The following KIAA1614 variants were observed in gnomAD, a reference collection of about 807,000 sequenced individuals.
KIAA1614 encodes uncharacterized protein KIAA1614.
Under a neutral mutation model 88.7 loss-of-function variants are expected in KIAA1614, and 76 were observed. That is an observed-to-expected ratio of 0.86 (90% CI 0.71 to 1.04). The LOEUF (loss-of-function observed/expected upper bound fraction) is 1.04, where lower values mean the gene tolerates loss of function less well. Among genes scored for constraint, KIAA1614 ranks in the 50% least tolerant of loss-of-function variants. The pLI is 0.00. For missense variants in KIAA1614, 1,553 were observed against 1,582.5 expected (o/e 0.98, Z 0.32); for synonymous variants, 714 against 675.5 (o/e 1.06, Z -0.88).
At position 180,936,555 on chromosome 1, in the gene KIAA1614, C is replaced by A. The variant is rs761590996; in HGVS notation, c.2646C>A (p.Asn882Lys). ...PLLALSTNNCNNSAPRGLQEP... is the reference protein window; with the variant it reads ...PLLALSTNNCKNSAPRGLQEP... ...TGGCCCTGTCCACCAACAACTGCAA[C>A]AACAGCGCACCTCGGGGGCTGCAGG... The change falls in exon 5 of 9, where the codon AAC becomes AAA. Residue 882 changes from asparagine to lysine, a missense_variant. By Grantham distance (94) the Asn-to-Lys change is moderately conservative. Coordinates refer to ENST00000367588, the MANE Select transcript of KIAA1614 (RefSeq NM_020950.2). 1.2e-6 allele frequency: 2 copies of A among 1,614,006 alleles called. No homozygotes were observed. Among genetic ancestry groups the A allele is most frequent in the Admixed American group, 3.3e-5 (2 of 60,008 alleles).
chr1:180,928,058 G>A (rs1478926163), intron 3 of KIAA1614: 6 of 173,812 alleles, frequency 3.5e-5, no homozygotes, highest in East Asian at 1.6e-4. Context: ...ACAACCCCGG[G>A]CCCTTTCTCC....
At chr1:180,941,426 C>T (rs1017419259) in intron 7 of KIAA1614, 141 bp downstream of exon 7, 88 of 1,030,462 alleles carry the variant, frequency 8.5e-5, no homozygotes, top group Non-Finnish European at 1.1e-4. Flanking sequence ...GCTGGCATCC[C>T]CATGGTTGAC....
Position 180,935,218 on chromosome 1 carries a change from G to T in KIAA1614, c.1309G>T (p.Gly437Cys). ...CGATTCCTCCAGCGGAGAGTCCAGC[G>T]GTGGGCACAGGCCGAGGCGGGGCCC... ...TSDSSSGESSGGHRPRRGPSP... is the reference protein window; with the variant it reads ...TSDSSSGESSCGHRPRRGPSP... The change falls in exon 5 of 9, where the codon GGT becomes TGT. Residue 437 changes from glycine (G) to cysteine (C), a missense_variant. Coordinates refer to ENST00000367588, the MANE Select transcript of KIAA1614 (RefSeq NM_020950.2). The surrounding 1 kb of genome is among the most constrained non-coding windows in gnomAD (Gnocchi z 6.1). 6.5e-7 allele frequency: 1 copy of T among 1,533,338 alleles called. No homozygotes were observed. The allele number at this position is 1,533,338 out of a possible 1,614,324, so 95.0% of individuals were successfully genotyped here. A position where few individuals can be genotyped will look rare whatever the true frequency, so the allele number is the denominator to read the frequency against.
intron 3 of KIAA1614, among the ~76,000 whole-genome samples, chr1:180,920,705 C>A (rs1008317600): frequency 1.6e-5 from 2 of 128,266 alleles, no homozygotes; most frequent in African/African-American, 5.7e-5. Context: ...AGCAGGCAGG[C>A]TGGGGGCGGG....
chr1:180,932,293 C>T (rs566197114), intron 4 of KIAA1614, among the ~76,000 whole-genome samples: 1 of 152,232 alleles, frequency 6.6e-6, no homozygotes, highest in Admixed American at 6.5e-5. Flanking sequence ...CTCTCGGCTA[C>T]AAATCCCTCT....
chr1:180,913,300 A>G lies in KIAA1614; in HGVS notation c.50+7A>G. 1 of 1,247,848 alleles carries G rather than the reference A, an allele frequency of 8.0e-7. No homozygotes were observed. The allele number at this position is 1,247,848 out of a possible 1,614,324, so 77.3% of individuals were successfully genotyped here. A position where few individuals can be genotyped will look rare whatever the true frequency, so the allele number is the denominator to read the frequency against. Reference sequence around the variant, plus strand: ...CCGCGGGCGGCAGCCCCCAGTGAGTATAGAGGAGGCAGCGCCGGGCCGGCC... The same window carrying G: ...CCGCGGGCGGCAGCCCCCAGTGAGTGTAGAGGAGGCAGCGCCGGGCCGGCC... On this transcript the variant is annotated splice_region_variant and intron_variant, in intron 1 of 8. Transcript: ENST00000367588.
At position 180,916,861 on chromosome 1, in the gene KIAA1614, A is replaced by T; in HGVS notation, c.758A>T (p.Asp253Val). 6.2e-7 allele frequency: 1 copy of T among 1,614,230 alleles called. No homozygotes were observed. The highest frequency in any genetic ancestry group is 8.5e-7 in the Non-Finnish European group (1 of 1,180,034). The stretch of plus-strand genomic sequence containing the variant: ...CCAGATGGCGTGGTGACAGAGGCAG[A>T]TCTGGATAGCACATCCCTGACCTCC... ...PFPDGVVTEA[D>V]LDSTSLTSEE... is the part of the protein sequence containing the mutation. The change falls in exon 2 of 9, where the codon GAT (aspartate) becomes GTT (valine). Residue 253 changes from aspartate (D) to valine (V), a missense_variant. By Grantham distance (152) the Asp-to-Val change is radical. Coordinates refer to ENST00000367588, the MANE Select transcript of KIAA1614 (RefSeq NM_020950.2).
chr1:180,924,625 T>C (rs888156467), intron 3 of KIAA1614, among the ~76,000 whole-genome samples: 1 of 152,194 alleles, frequency 6.6e-6, no homozygotes, highest in Non-Finnish European at 1.5e-5. Context: ...CTTTCCTCCA[T>C]GACCAATTGG....
chr1:180,943,493 C>T (rs935149969), intron 7 of KIAA1614, among the ~76,000 whole-genome samples: 8 of 144,864 alleles, frequency 5.5e-5, no homozygotes. Context: ...CTTACAATGA[C>T]TTCTTTCCTT....
intron 3 of KIAA1614, among the ~76,000 whole-genome samples, chr1:180,927,349 A>G (rs1483610056): frequency 6.6e-6 from 1 of 152,198 alleles, no homozygotes; most frequent in Non-Finnish European, 1.5e-5. Flanking sequence ...CCAGCCACAA[A>G]CATCCTCTGC....
intron 1 of KIAA1614, among the ~76,000 whole-genome samples, chr1:180,915,237 A>G (rs1653751873): frequency 6.6e-6 from 1 of 152,198 alleles, no homozygotes; most frequent in Admixed American, 6.5e-5. Context: ...GCTCAACCCC[A>G]TGCTGTGGTC....
At chr1:180,943,635 G>A (rs558664103) in intron 7 of KIAA1614, among the ~76,000 whole-genome samples, 2 of 132,378 alleles carry the variant, frequency 1.5e-5, no homozygotes, top group African/African-American at 5.7e-5. Context: ...TGCAACCTTC[G>A]CCTCCAGGTT....
intron 2 of KIAA1614, 74 bp downstream of exon 2, chr1:180,917,174 G>C: frequency 8.3e-7 from 1 of 1,204,928 alleles, no homozygotes; most frequent in Non-Finnish European, 1.2e-6. Flanking sequence ...GGGGACGAGG[G>C]GGTCCCACAG....
chr1:180,917,465 TGG>T (rs3079774), intron 2 of KIAA1614, among the ~76,000 whole-genome samples: 55,898 of 151,462 alleles, frequency 0.37, 10,805 homozygotes, highest in East Asian at 0.53. Flanking sequence ...GGCCCTCTGG[TGG>T]GGCAAGCAGA....
rs1299798244 is a variant in KIAA1614 at position 180,945,643 on chromosome 1, C to A, written c.*55C>A. 2 of 1,514,720 alleles carry A rather than the reference C, an allele frequency of 1.3e-6. No homozygotes were observed. Among genetic ancestry groups the A allele is most frequent in the African/African-American group, 2.8e-5 (2 of 70,502 alleles). 93.8% of individuals were successfully genotyped at this position (1,514,720 alleles called of 1,614,324 possible). On this transcript the variant is annotated 3_prime_UTR_variant, in exon 9 of 9. Transcript: ENST00000367588. ...TCTGACTACAGGACTAGGCTTCTCC[C>A]CTCAGGGGCTCTTTCTGAATTGTCC...
intron 3 of KIAA1614, among the ~76,000 whole-genome samples, chr1:180,920,543 G>C (rs1653931030): frequency 6.6e-6 from 1 of 152,240 alleles, no homozygotes; most frequent in Admixed American, 6.5e-5. Context: ...AGGGTTTAAG[G>C]TGCTGCTTCA....
intron 7 of KIAA1614, among the ~76,000 whole-genome samples, chr1:180,943,548 A>ATTTTTTTGTTTTTTTTTT (rs201999726): frequency 1.3e-5 from 1 of 74,862 alleles, no homozygotes. Context: ...ATGGTAGTAG[A>ATTTTTTTGTTTTTTTTTT]TCTTTTTTTT....
chr1:180,936,495 C>T lies in KIAA1614; in HGVS notation c.2586C>T (p.Thr862=). The T allele has an allele frequency of 6.2e-7, 1 of 1,613,960 alleles. No individual in the cohort carries two copies. Among genetic ancestry groups the T allele is most frequent in the South Asian group, 1.1e-5 (1 of 91,016 alleles). Residue 862 remains threonine, a synonymous_variant, in exon 5 of 9, where the codon ACC becomes ACT. Transcript: ENST00000367588. The part of the protein sequence containing the change: ...LRTCELPPSQ[T]QPSRPQVRHP... ...CCTGTGAGCTGCCCCCATCACAGAC[C>T]CAGCCCAGCCGCCCTCAGGTCAGGC...
chr1:180,935,038 G>C lies in KIAA1614; in HGVS notation c.1206-77G>C. 5.8e-6 allele frequency: 6 copies of C among 1,041,314 alleles called. No individual in the cohort carries two copies. Among genetic ancestry groups the C allele is most frequent in the Non-Finnish European group, 7.6e-6 (6 of 791,176 alleles). 64.5% of individuals were successfully genotyped at this position (1,041,314 alleles called of 1,614,324 possible). On this transcript the variant is annotated intron_variant, in intron 4 of 8. Transcript: ENST00000367588. This position sits in a 1 kb window ranked among gnomAD's most constrained non-coding sequence, Gnocchi z 6.1. Reference sequence around the variant, plus strand: ...CGGTGGGAGACTGTAGCCCAGGGTGGAGAGGGTAGGGCCGATGCGTGTCCA... The same window carrying C: ...CGGTGGGAGACTGTAGCCCAGGGTGCAGAGGGTAGGGCCGATGCGTGTCCA...
Sources: gnomAD v4.1 joint callset for allele counts (sites outside exome capture counted in the v4.1 genomes callset) on GRCh38, gnomAD v4.1.1 for gene constraint, Gnocchi (gnomAD v3.1) non-coding constraint, MANE v1.5 for transcripts, NCBI Gene and HGNC (gene_info 2026-07-23, HGNC 2026-07-21) for gene names.